The following KIAA1191 variants were observed in gnomAD, a reference collection of about 807,000 sequenced individuals.
KIAA1191 encodes the protein putative monooxygenase p33MONOX.
KIAA1191 carries 22 observed loss-of-function variants against 31.1 expected under a neutral mutation model. The ratio of observed to expected loss-of-function variants is 0.71; its 90% CI spans 0.51 to 1.01. KIAA1191 has a LOEUF of 1.01. Ranked by LOEUF, KIAA1191 falls within the 50% of genes least tolerant of loss-of-function variation. KIAA1191 has a pLI of 0.00. For missense variants in KIAA1191, 319 were observed against 388.0 expected, an observed-to-expected ratio of 0.82 and a Z score of 1.49; for synonymous variants, 130 against 143.9, an observed-to-expected ratio of 0.90 and a Z score of 0.69.
In KIAA1191 at chr5:176,352,792, G is replaced by A. The variant is rs200084516; in HGVS notation, c.208-44C>T. The A allele has an allele frequency of 3.4e-4, 543 of 1,578,522 alleles. 4 individuals carry two copies. In the East Asian group the frequency reaches 0.012, roughly 34 times the overall value. On this transcript the variant is annotated intron_variant, in intron 4 of 8. Coordinates refer to ENST00000298569, the MANE Select transcript of KIAA1191 (RefSeq NM_020444.5). ...GTACAGAAGCACTTAGGCAGGGCAGGGGAGTCACACACCTAAACTTACTCC... is the reference window on the plus strand; with the variant it reads ...GTACAGAAGCACTTAGGCAGGGCAGAGGAGTCACACACCTAAACTTACTCC...
intron 4 of KIAA1191, among the ~76,000 whole-genome samples, chr5:176,354,055 G>C (rs1028716783): frequency 6.6e-6 from 1 of 152,180 alleles, no homozygotes; most frequent in Admixed American, 6.5e-5. Context: ...TGGAGGCGGG[G>C]GGAAAAACAC....
rs1766544131 is a variant in KIAA1191 at position 176,346,803 on chromosome 5, C to T, written c.*797G>A. 1 of 152,186 alleles carries T rather than the reference C, an allele frequency of 6.6e-6. No individual in the cohort carries two copies. The highest frequency in any genetic ancestry group is 2.1e-4 in the South Asian group (1 of 4,832). The allele number at this position is 152,186 out of a possible 1,614,324, so 9.4% of individuals were successfully genotyped here. A position where few individuals can be genotyped will look rare whatever the true frequency, so the allele number is the denominator to read the frequency against. On this transcript the variant is annotated 3_prime_UTR_variant, in exon 9 of 9. Transcript: ENST00000298569. ...TGCCAAGTCTGGCTTTTACCTGTAC[C>T]CAGGTCCCAAACAAACCTTGGGTCC...
At chr5:176,359,400 A>C in intron 3 of KIAA1191, 81 bp downstream of exon 3, 1 of 1,238,214 alleles carries the variant, frequency 8.1e-7, no homozygotes, top group Non-Finnish European at 1.2e-6. Context: ...ATTAATATAT[A>C]GTTCCGATAA....
At chr5:176,356,448 T>A (rs1182150194) in intron 3 of KIAA1191, among the ~76,000 whole-genome samples, 1 of 152,192 alleles carries the variant, frequency 6.6e-6, no homozygotes, top group Non-Finnish European at 1.5e-5. Flanking sequence ...TCCTCTACCT[T>A]CCTTTCCTCA....
rs547028594 is a variant in KIAA1191 at position 176,351,863 on chromosome 5, A to C, written c.334+759T>G. Reference sequence around the variant, plus strand: ...GGACAAACTGATGCCCTCCTGGAGAAGATAAACAAGGGCTTCTGACTTCAA... The same window carrying C: ...GGACAAACTGATGCCCTCCTGGAGACGATAAACAAGGGCTTCTGACTTCAA... On this transcript the variant is annotated intron_variant, in intron 5 of 8. Transcript: ENST00000298569. Among the ~76,000 whole-genome samples the C allele has an allele frequency of 6.6e-4, 100 of 152,290 alleles. 4 individuals carry two copies. The South Asian group carries it at 0.02, about 31-fold the overall frequency.
chr5:176,350,725 T>C lies in KIAA1191; in HGVS notation c.347A>G (p.Glu116Gly). ...MNSLITKQTQ[E>G]SIQHFERQAG... ...CTGTCGCTCAAAATGCTGAATGCTT[T>C]CCTGGGTCTGTTCTGGGAACAGAGG... The change falls in exon 6 of 9, where the codon GAA becomes GGA. Residue 116 changes from glutamate (E) to glycine (G), a missense_variant. Physicochemically the swap from Glu to Gly is moderately conservative, Grantham distance 98. Coordinates refer to ENST00000298569, the MANE Select transcript of KIAA1191 (RefSeq NM_020444.5). 1 of 1,614,110 alleles carries C rather than the reference T, an allele frequency of 6.2e-7. No homozygotes were observed. The highest frequency in any genetic ancestry group is 1.1e-5 in the South Asian group (1 of 91,082).
At chr5:176,359,956 CAG>C (rs907181556) in intron 1 of KIAA1191, 38 bp from the exon 2 acceptor site, 1 of 167,016 alleles carries the variant, frequency 6.0e-6, no homozygotes, top group African/African-American at 2.4e-5. Context: ...AACAGCCCGT[CAG>C]AGTCTGCCAA....
At chr5:176,358,204 C>A (rs955349174) in intron 3 of KIAA1191, among the ~76,000 whole-genome samples, 3 of 152,164 alleles carry the variant, frequency 2.0e-5, no homozygotes, top group Admixed American at 2.0e-4. Flanking sequence ...CAGGCTGGTG[C>A]CTTTTTACCA....
chr5:176,354,802 G>T (rs1767358601), intron 4 of KIAA1191, among the ~76,000 whole-genome samples: 1 of 152,140 alleles, frequency 6.6e-6, no homozygotes. Flanking sequence ...GCTAATGGAG[G>T]GCGAGAAAGC....
chr5:176,346,341 G>A lies in KIAA1191; in HGVS notation c.*1259C>T, dbSNP rs1766499271. ...GCATAAAGGGATGAGGCTCATTTTG[G>A]TGAAAAATGCTTTCATACAGAAAAT... is the stretch of plus-strand genomic sequence containing the variant. On this transcript the variant is annotated 3_prime_UTR_variant, in exon 9 of 9. Transcript: ENST00000298569. 1 of 152,204 alleles carries A rather than the reference G, an allele frequency of 6.6e-6. No homozygotes were observed. Among genetic ancestry groups the A allele is most frequent in the Admixed American group, 6.5e-5 (1 of 15,278 alleles). The allele number at this position is 152,204 out of a possible 1,614,324, so 9.4% of individuals were successfully genotyped here. A position where few individuals can be genotyped will look rare whatever the true frequency, so the allele number is the denominator to read the frequency against.
At chr5:176,350,536 G>A in intron 6 of KIAA1191, 77 bp downstream of exon 6, 1 of 1,551,036 alleles carries the variant, frequency 6.4e-7, no homozygotes, top group Non-Finnish European at 8.8e-7. Context: ...AACTGAGCTG[G>A]TAACTTCAAA....
chr5:176,348,368 G>A lies in KIAA1191; in HGVS notation c.460-12C>T. The stretch of plus-strand genomic sequence containing the variant: ...TGTAACTTTAGTTTCTGCTCAGATG[G>A]GTAAGAAGAGAGACTTTTTAAAAAT... On this transcript the variant is annotated splice_polypyrimidine_tract_variant and intron_variant, in intron 6 of 8. Transcript: ENST00000298569. 6.3e-7 allele frequency: 1 copy of A among 1,593,168 alleles called. No homozygotes were observed. The highest frequency in any genetic ancestry group is 1.3e-5 in the African/African-American group (1 of 74,212).
At chr5:176,350,868 T>TC (rs1766934318) in intron 5 of KIAA1191, 131 bp from the exon 6 acceptor site, 2 of 1,131,558 alleles carry the variant, frequency 1.8e-6, no homozygotes, top group Admixed American at 2.7e-5. Context: ...GAGGAGACTT[T>TC]CCCCAGAGAG....
chr5:176,346,425 CAAAG>C lies in KIAA1191; in HGVS notation c.*1171_*1174del, dbSNP rs2113445238. 6.6e-6 allele frequency: 1 copy of C among 152,344 alleles called. No individual in the cohort carries two copies. The highest frequency in any genetic ancestry group is 6.5e-5 in the Admixed American group (1 of 15,310). The allele number at this position is 152,344 out of a possible 1,614,324, so 9.4% of individuals were successfully genotyped here. ...CAGGCCCTGACCTGAACAAGGAAATCAAAGTAAGTTAACACCACTGGCTTCACAT... is the reference window on the plus strand; with the variant it reads ...CAGGCCCTGACCTGAACAAGGAAATCTAAGTTAACACCACTGGCTTCACAT... On this transcript the variant is annotated 3_prime_UTR_variant, in exon 9 of 9. Transcript: ENST00000298569.
intron 4 of KIAA1191, chr5:176,354,638 G>GT (rs1767341724): frequency 6.6e-6 from 1 of 152,438 alleles, no homozygotes; most frequent in Non-Finnish European, 1.5e-5. Flanking sequence ...GAGGCTGGAG[G>GT]TACAGCATGA....
chr5:176,351,974 T>G (rs1767051669), intron 5 of KIAA1191, among the ~76,000 whole-genome samples: 1 of 152,042 alleles, frequency 6.6e-6, no homozygotes, highest in African/African-American at 2.4e-5. Flanking sequence ...ATCTAATTGT[T>G]AACTTCCCAC....
chr5:176,348,004 T>A lies in KIAA1191; in HGVS notation c.626A>T (p.Asp209Val). 1 of 1,613,984 alleles carries A rather than the reference T, an allele frequency of 6.2e-7. No homozygotes were observed. Among genetic ancestry groups the A allele is most frequent in the Non-Finnish European group, 8.5e-7 (1 of 1,179,984 alleles). Residue 209 changes from aspartate to valine, a missense_variant, in exon 8 of 9, where the codon GAC becomes GTC. Coordinates refer to ENST00000298569, the MANE Select transcript of KIAA1191 (RefSeq NM_020444.5). ...ALPGPNPSTMDSGSGDKDRNL... is the reference protein window; with the variant it reads ...ALPGPNPSTMVSGSGDKDRNL... ...TCTGTCCTTATCCCCACTTCCAGAG[T>A]CCATGGTGCTAGGATTTGGGCCAGG...
At chr5:176,360,874 G>T (rs1273136101) in intron 1 of KIAA1191, among the ~76,000 whole-genome samples, 1 of 152,054 alleles carries the variant, frequency 6.6e-6, no homozygotes. Flanking sequence ...AATCAGAGGA[G>T]TTAAGTAAAT....
rs775634249 is a variant in KIAA1191, at chr5:176,348,023, G to A, written c.607C>T (p.Pro203Ser). The change falls in exon 8 of 9, where the codon CCA becomes TCA. Residue 203 changes from proline (P) to serine (S), a missense_variant. Coordinates refer to ENST00000298569, the MANE Select transcript of KIAA1191 (RefSeq NM_020444.5). Reference protein sequence around the residue: ...TSGSSTALPGPNPSTMDSGSG... With the variant: ...TSGSSTALPGSNPSTMDSGSG... ...CCAGAGTCCATGGTGCTAGGATTTG[G>A]GCCAGGTAAGGCTGTGGAAGAACCA... is the stretch of plus-strand genomic sequence containing the variant. 22 of 1,613,918 alleles carry A rather than the reference G, an allele frequency of 1.4e-5. No individual in the cohort carries two copies. The highest frequency in any genetic ancestry group is 1.9e-5 in the Non-Finnish European group (22 of 1,179,980).
Sources: gnomAD v4.1 joint callset for allele counts (sites outside exome capture counted in the v4.1 genomes callset) on GRCh38, gnomAD v4.1.1 for gene constraint, MANE v1.5 for transcripts, NCBI Gene and HGNC (gene_info 2026-07-23, HGNC 2026-07-21) for gene names.